ZNF611: variants seen among roughly 807,000 people sequenced by gnomAD.
The protein encoded by ZNF611 is zinc finger protein 611.
Under a neutral mutation model 8.9 loss-of-function variants are expected in ZNF611, and 6 were observed. The observed-to-expected ratio is 0.68, with a 90% CI of 0.37 to 1.34. The LOEUF (loss-of-function observed/expected upper bound fraction) is 1.34. Ranked by LOEUF, ZNF611 falls within the 40% of genes most tolerant of loss-of-function variation. The pLI, the probability that ZNF611 is intolerant of heterozygous loss-of-function variation, is 0.02. For synonymous variants in ZNF611, 262 were observed against 279.7 expected (o/e 0.94, Z 0.63); for missense variants, 874 against 841.3 (o/e 1.04, Z -0.48).
intron 1 of ZNF611, among the ~76,000 whole-genome samples, chr19:52,732,109 T>A (rs893787180): frequency 3.3e-5 from 5 of 150,952 alleles, no homozygotes; most frequent in Non-Finnish European, 7.4e-5. Context: ...TCTCTACTAA[T>A]AATACAAAAA....
chr19:52,717,431 GC>G (rs1325336471), intron 3 of ZNF611, among the ~76,000 whole-genome samples: 2 of 152,166 alleles, frequency 1.3e-5, no homozygotes, highest in African/African-American at 4.8e-5. Context: ...TCAAGTGAAG[GC>G]CCTGAGACAG....
chr19:52,704,690 C>G lies in ZNF611; in HGVS notation c.*247G>C. The G allele has an allele frequency of 6.3e-7, 1 of 1,598,350 alleles. No homozygotes were observed. The highest frequency in any genetic ancestry group is 8.6e-7 in the Non-Finnish European group (1 of 1,167,346). On this transcript the variant is annotated 3_prime_UTR_variant, in exon 6 of 6. Transcript: ENST00000652185. ...ACTTTGTGACAATCATTACATTAGT[C>G]AAGTTTCCCTACACCATGAATTGCC...
intron 5 of ZNF611, among the ~76,000 whole-genome samples, chr19:52,710,207 A>G (rs1431568062): frequency 2.0e-5 from 3 of 149,876 alleles, no homozygotes; most frequent in African/African-American, 7.3e-5. Context: ...GTACAGACAC[A>G]TGCCACCATG....
chr19:52,723,809 G>C (rs1001185114), intron 3 of ZNF611: 1 of 152,210 alleles, frequency 6.6e-6, no homozygotes, highest in African/African-American at 2.4e-5. Flanking sequence ...GAGAAGGTCA[G>C]CAGGAAATCA....
intron 3 of ZNF611, among the ~76,000 whole-genome samples, chr19:52,722,893 G>C (rs1192543309): frequency 1.5e-5 from 2 of 136,124 alleles, no homozygotes; most frequent in Non-Finnish European, 3.1e-5. Flanking sequence ...ATCATGCCTG[G>C]TTTTTGTTTT....
intron 3 of ZNF611, chr19:52,723,445 G>C (rs953327618): frequency 6.6e-6 from 1 of 151,636 alleles, no homozygotes; most frequent in South Asian, 2.1e-4. Flanking sequence ...TAGTAGAGAC[G>C]GGGTTTCTCC....
intron 3 of ZNF611, among the ~76,000 whole-genome samples, chr19:52,718,066 G>A (rs2062329499): frequency 6.6e-6 from 1 of 152,092 alleles, no homozygotes; most frequent in African/African-American, 2.4e-5. Context: ...AAACAATGAG[G>A]CCAGGCATGG....
rs771649987 is a variant in ZNF611, at chr19:52,704,915, C to CT, written c.*21dup. The stretch of plus-strand genomic sequence containing the variant: ...TTAAGGTGTGATTTCCAAATGGAAA[C>CT]TTTGTCACATGCTTCACATTTCTAA... On this transcript the variant is annotated 3_prime_UTR_variant, in exon 6 of 6. Transcript: ENST00000652185. 3 of 1,612,618 alleles carry CT rather than the reference C, an allele frequency of 1.9e-6. No homozygotes were observed. Among genetic ancestry groups the CT allele is most frequent in the South Asian group, 2.2e-5 (2 of 90,932 alleles).
In ZNF611 at chr19:52,706,454, G is replaced by A. The variant is rs1453238832; in HGVS notation, c.601C>T (p.Gln201Ter). 4 of 1,614,020 alleles carry A rather than the reference G, an allele frequency of 2.5e-6. No homozygotes were observed. Among genetic ancestry groups the A allele is most frequent in the Non-Finnish European group, 3.4e-6 (4 of 1,180,020 alleles). ...STFQRISCRP[Q>*]TQISNNYGNN... ...CCATAGTTATTAGAAATCTGGGTTT[G>A]GGGCCTACAGGAAATTCTTTGGAAT... The change falls in exon 6 of 6, where the codon CAA becomes TAA. Residue 201 changes from glutamine to a stop codon, truncating the protein, a stop_gained. Transcript: ENST00000652185. LOFTEE classifies it low-confidence loss of function (END_TRUNC).
At chr19:52,726,502 G>A (rs894574021) in intron 3 of ZNF611, among the ~76,000 whole-genome samples, 1 of 152,010 alleles carries the variant, frequency 6.6e-6, no homozygotes, top group Non-Finnish European at 1.5e-5. Context: ...CTCACTGCAA[G>A]CTCCACCTCC....
At chr19:52,718,749 G>A (rs2062334831) in intron 3 of ZNF611, among the ~76,000 whole-genome samples, 1 of 152,034 alleles carries the variant, frequency 6.6e-6, no homozygotes, top group Non-Finnish European at 1.5e-5. Context: ...AGTGAACCAA[G>A]ATCATGCCAT....
At chr19:52,729,253 C>A (rs2062410005) in intron 2 of ZNF611, among the ~76,000 whole-genome samples, 1 of 151,974 alleles carries the variant, frequency 6.6e-6, no homozygotes, top group Non-Finnish European at 1.5e-5. Context: ...AAATAATCCA[C>A]AACAAGCTCA....
intron 3 of ZNF611, among the ~76,000 whole-genome samples, chr19:52,726,175 C>G (rs750057940): frequency 6.6e-6 from 1 of 152,120 alleles, no homozygotes; most frequent in African/African-American, 2.4e-5. Flanking sequence ...TTCCCTAGAG[C>G]CTTTGCTTGG....
At chr19:52,713,957 G>A in intron 5 of ZNF611, 58 bp downstream of exon 5, 1 of 1,600,088 alleles carries the variant, frequency 6.2e-7, no homozygotes, top group Non-Finnish European at 8.5e-7. Context: ...TACAAAGCCA[G>A]GATGAGCCAA....
At position 52,725,526 on chromosome 19, in the gene ZNF611, C is replaced by T. The variant is rs541385946; in HGVS notation, c.-20+3204G>A. 1.6e-4 allele frequency among the ~76,000 whole-genome samples: 24 copies of T among 152,150 alleles called. 1 individual carries two copies. Among genetic ancestry groups the T allele is most frequent in the African/African-American group, 5.8e-4 (24 of 41,452 alleles). ...ATACATTGCCCTATAGCAGAAAGAC[C>T]GGGGACGGGACCAGCCTCCAAGCGA... On this transcript the variant is annotated intron_variant, in intron 3 of 5. Transcript: ENST00000652185.
intron 3 of ZNF611, among the ~76,000 whole-genome samples, chr19:52,718,942 G>A (rs552633878): frequency 6.6e-6 from 1 of 152,356 alleles, no homozygotes; most frequent in Non-Finnish European, 1.5e-5. Context: ...GGAGGCCAAG[G>A]CGGGTGGATC....
At chr19:52,712,472 A>C (rs1600311960) in intron 5 of ZNF611, among the ~76,000 whole-genome samples, 1 of 148,708 alleles carries the variant, frequency 6.7e-6, no homozygotes, top group Non-Finnish European at 1.5e-5. Flanking sequence ...AAAAAAAAAA[A>C]AAAAAAAAAA....
chr19:52,733,262 T>A (rs1209444071), intron 1 of ZNF611, among the ~76,000 whole-genome samples: 1 of 152,162 alleles, frequency 6.6e-6, no homozygotes, highest in Admixed American at 6.5e-5. Context: ...ACCAATCATA[T>A]CCAATGAACT....
At chr19:52,727,587 AG>A (rs2062400656) in intron 3 of ZNF611, among the ~76,000 whole-genome samples, 2 of 152,084 alleles carry the variant, frequency 1.3e-5, no homozygotes, top group East Asian at 1.9e-4. Flanking sequence ...ACGTGGTGGC[AG>A]GCGCCTGTAA....
Sources: allele counts gnomAD v4.1 joint callset (sites outside exome capture counted in the v4.1 genomes callset), GRCh38; gene constraint gnomAD v4.1.1; transcripts MANE v1.5; gene names NCBI Gene and HGNC (gene_info 2026-07-23, HGNC 2026-07-21).